The following FGD6 variants were observed in gnomAD, a reference collection of about 807,000 sequenced individuals.
FGD6 encodes FYVE, RhoGEF and PH domain-containing protein 6.
Under a neutral mutation model 149.4 loss-of-function variants are expected in FGD6, and 90 were observed. That is an observed-to-expected ratio of 0.60 (90% confidence interval 0.51 to 0.72). The LOEUF (loss-of-function observed/expected upper bound fraction) is 0.72. FGD6 is among the 30% of genes least tolerant of loss of function. FGD6 has a pLI of 0.00. For missense variants in FGD6, 1,437 were observed against 1,684.8 expected (o/e 0.85, Z 2.57); for synonymous variants, 527 against 584.0 (o/e 0.90, Z 1.41).
At chr12:95,170,468 C>T (rs1880959749) in intron 3 of FGD6, among the ~76,000 whole-genome samples, 3 of 151,830 alleles carry the variant, frequency 2.0e-5, no homozygotes, top group South Asian at 4.2e-4. Context: ...ATAGTGAAAC[C>T]CCGTCTCTAC....
At chr12:95,086,975 G>A (rs947271428) in intron 18 of FGD6, among the ~76,000 whole-genome samples, 3 of 151,452 alleles carry the variant, frequency 2.0e-5, no homozygotes, top group African/African-American at 7.3e-5. Flanking sequence ...AGCCTCCCGA[G>A]TAGCTGGGAT....
intron 19 of FGD6, 155 bp downstream of exon 19, chr12:95,085,625 C>T (rs1877840803): frequency 1.3e-6 from 1 of 755,204 alleles, no homozygotes; most frequent in East Asian, 2.7e-5. Flanking sequence ...AGCAAGAACA[C>T]TGTTCACATT....
chr12:95,104,447 T>G lies in FGD6; in HGVS notation c.3497+560A>C, dbSNP rs528377113. The stretch of plus-strand genomic sequence containing the variant: ...GACCCCATCTCTAAAAAAAAAATTT[T>G]TTTTTTTGAGACAGAATCTCTCTCT... On this transcript the variant is annotated intron_variant, in intron 14 of 20. Coordinates refer to ENST00000343958, the MANE Select transcript of FGD6 (RefSeq NM_018351.4). 5.1e-4 allele frequency among the ~76,000 whole-genome samples: 78 copies of G among 151,918 alleles called. 1 individual carries two copies. Among genetic ancestry groups the G allele is most frequent in the East Asian group, 4.5e-3 (23 of 5,158 alleles).
intron 1 of FGD6, 50 bp downstream of exon 1, chr12:95,217,175 G>T (rs1463551552): frequency 6.2e-7 from 1 of 1,610,760 alleles, no homozygotes; most frequent in East Asian, 2.2e-5. Context: ...CCCAAGCCTA[G>T]CAGCGCTCGC....
chr12:95,153,844 T>C (rs1880379396), intron 3 of FGD6, among the ~76,000 whole-genome samples: 1 of 152,026 alleles, frequency 6.6e-6, no homozygotes, highest in Admixed American at 6.6e-5. Context: ...CGAATTTCCT[T>C]AAAATCCCTT....
At chr12:95,125,883 T>C (rs1432163387) in intron 8 of FGD6, 5 of 1,319,798 alleles carry the variant, frequency 3.8e-6, no homozygotes, top group Non-Finnish European at 5.5e-6. Flanking sequence ...TGGTGGACCT[T>C]GCGCTCAAGT....
intron 3 of FGD6, among the ~76,000 whole-genome samples, chr12:95,171,514 C>T (rs931587101): frequency 1.3e-5 from 2 of 152,082 alleles, no homozygotes; most frequent in African/African-American, 4.8e-5. Context: ...TAATGAACCC[C>T]TGCATCATGC....
At position 95,118,361 on chromosome 12, in the gene FGD6, A is replaced by AG. The variant is rs1555218003; in HGVS notation, c.3083-4661_3083-4660insC. On this transcript the variant is annotated intron_variant, in intron 8 of 20. Coordinates refer to ENST00000343958, the MANE Select transcript of FGD6 (RefSeq NM_018351.4). ...GAGACTCTGTCTCAAAAAAAAAAAAAAGAAAGAGAGAGAGAGAAAGGATGA... is the reference window on the plus strand; with the variant it reads ...GAGACTCTGTCTCAAAAAAAAAAAAAGAGAAAGAGAGAGAGAGAAAGGATGA... Among the ~76,000 whole-genome samples the AG allele has an allele frequency of 2.8e-4, 33 of 116,294 alleles. No individual in the cohort carries two copies. In the East Asian group the frequency reaches 3.6e-3, roughly 13 times the overall value. 76.3% of individuals were successfully genotyped at this position (116,294 alleles called of 152,430 possible).
At chr12:95,163,763 C>A (rs1880714344) in intron 3 of FGD6, among the ~76,000 whole-genome samples, 1 of 152,104 alleles carries the variant, frequency 6.6e-6, no homozygotes, top group Non-Finnish European at 1.5e-5. Flanking sequence ...TCTATATATT[C>A]CATTGTCCAT....
chr12:95,135,477 A>G (rs1297171191), intron 7 of FGD6, among the ~76,000 whole-genome samples: 1 of 152,214 alleles, frequency 6.6e-6, no homozygotes, highest in East Asian at 1.9e-4. Flanking sequence ...TTTTGGCTTG[A>G]CTACAAAGAC....
rs189460516 is a variant in FGD6 at position 95,169,714 on chromosome 12, G to A, written c.2586+2886C>T. Among the ~76,000 whole-genome samples the A allele has an allele frequency of 1.3e-4, 20 of 152,274 alleles. No homozygotes were observed. The East Asian group carries it at 2.1e-3, about 16-fold the overall frequency. Reference sequence around the variant, plus strand: ...TGGAAAGAAATGGGAAAAGATTCACGCAAAACAAACAACTAGACCAAAACA... The same window carrying A: ...TGGAAAGAAATGGGAAAAGATTCACACAAAACAAACAACTAGACCAAAACA... On this transcript the variant is annotated intron_variant, in intron 3 of 20. Transcript: ENST00000343958.
At chr12:95,121,016 T>C (rs773938623) in intron 8 of FGD6, among the ~76,000 whole-genome samples, 18 of 152,200 alleles carry the variant, frequency 1.2e-4, no homozygotes, top group Non-Finnish European at 2.4e-4. Flanking sequence ...TAGAGGTATA[T>C]TTTCTGATGT....
intron 14 of FGD6, among the ~76,000 whole-genome samples, chr12:95,099,252 C>T (rs1878342513): frequency 6.6e-6 from 1 of 152,170 alleles, no homozygotes; most frequent in South Asian, 2.1e-4. Context: ...GCTCCATATT[C>T]CTTACTGAAC....
intron 2 of FGD6, among the ~76,000 whole-genome samples, chr12:95,205,771 C>T (rs1011062855): frequency 7.9e-5 from 12 of 152,208 alleles, no homozygotes; most frequent in African/African-American, 2.4e-4. Context: ...CCAGGCAATA[C>T]TGTGATTCTG....
At chr12:95,188,660 T>A (rs899967353) in intron 2 of FGD6, among the ~76,000 whole-genome samples, 1 of 152,254 alleles carries the variant, frequency 6.6e-6, no homozygotes, top group East Asian at 1.9e-4. Flanking sequence ...TACTTTTCAC[T>A]TCATGTACAT....
intron 2 of FGD6, among the ~76,000 whole-genome samples, chr12:95,195,481 G>A (rs76414395): frequency 0.03 from 4,540 of 151,760 alleles, 147 homozygotes; most frequent in Middle Eastern, 0.095. Context: ...AAATGGACAC[G>A]TACCTACACC....
intron 7 of FGD6, among the ~76,000 whole-genome samples, chr12:95,137,147 C>T (rs1471833920): frequency 6.6e-6 from 1 of 152,028 alleles, no homozygotes; most frequent in Non-Finnish European, 1.5e-5. Context: ...GGTGTGGTGG[C>T]ACGTGCTTGT....
chr12:95,196,450 T>G (rs1197138435), intron 2 of FGD6, among the ~76,000 whole-genome samples: 1 of 152,018 alleles, frequency 6.6e-6, no homozygotes, highest in Admixed American at 6.6e-5. Flanking sequence ...CAGGCTGGTC[T>G]CAAACTCCTG....
chr12:95,154,239 T>C (rs1018141569), intron 3 of FGD6, among the ~76,000 whole-genome samples: 11 of 152,214 alleles, frequency 7.2e-5, no homozygotes, highest in Admixed American at 1.3e-4. Flanking sequence ...GGATTACAGG[T>C]GTGAGCCACT....
Sources: gnomAD v4.1 joint callset for allele counts (sites outside exome capture counted in the v4.1 genomes callset) on GRCh38, gnomAD v4.1.1 for gene constraint, MANE v1.5 for transcripts, NCBI Gene and HGNC (gene_info 2026-07-23, HGNC 2026-07-21) for gene names.